Variants in PPP2R5E observed in about 807,000 individuals in gnomAD.
The protein encoded by PPP2R5E is serine/threonine-protein phosphatase 2A 56 kDa regulatory subunit epsilon isoform.
Under a neutral mutation model 65.3 loss-of-function variants are expected in PPP2R5E, and 4 were observed. The ratio of observed to expected loss-of-function variants is 0.06; its 90% CI spans 0.03 to 0.14. The LOEUF is 0.14. Ranked by LOEUF, PPP2R5E falls within the 10% of genes least tolerant of loss-of-function variation. PPP2R5E has a pLI of 1.00. For missense variants in PPP2R5E, 274 were observed against 556.1 expected (o/e 0.49, Z 5.10); for synonymous variants, 183 against 187.4 (o/e 0.98, Z 0.19).
At chr14:63,424,024 T>C (rs569494314) in intron 3 of PPP2R5E, among the ~76,000 whole-genome samples, 2 of 151,760 alleles carry the variant, frequency 1.3e-5, no homozygotes, top group Non-Finnish European at 2.9e-5. Flanking sequence ...CCAACAGCTA[T>C]GTATAGAATA....
chr14:63,462,522 C>A (rs1287487366), intron 2 of PPP2R5E, among the ~76,000 whole-genome samples: 8 of 152,216 alleles, frequency 5.3e-5, no homozygotes, highest in Admixed American at 4.6e-4. Context: ...CATTATACTG[C>A]AACTTTTTTT....
At chr14:63,483,521 T>A (rs1890815881) in intron 2 of PPP2R5E, among the ~76,000 whole-genome samples, 1 of 152,094 alleles carries the variant, frequency 6.6e-6, no homozygotes, top group Admixed American at 6.5e-5. Context: ...GAGGTGCACG[T>A]ACACAGCGCA....
intron 3 of PPP2R5E, among the ~76,000 whole-genome samples, chr14:63,440,416 CAAA>C (rs74901952): frequency 1.5e-5 from 2 of 133,020 alleles, no homozygotes; most frequent in Non-Finnish European, 1.7e-5. Context: ...TGTTCTTAAG[CAAA>C]AAAAAAAAAA....
chr14:63,458,608 A>ATTT (rs972685468), intron 2 of PPP2R5E, among the ~76,000 whole-genome samples: 33 of 152,316 alleles, frequency 2.2e-4, no homozygotes, highest in Admixed American at 1.2e-3. Context: ...AATAAGGTAA[A>ATTT]TTGCTTTTAA....
chr14:63,476,003 C>T (rs1890394409), intron 2 of PPP2R5E, among the ~76,000 whole-genome samples: 2 of 152,104 alleles, frequency 1.3e-5, no homozygotes. Flanking sequence ...AACATGAATA[C>T]ATACATTCTT....
intron 2 of PPP2R5E, among the ~76,000 whole-genome samples, chr14:63,459,979 C>T (rs1889363095): frequency 3.3e-5 from 5 of 152,170 alleles, no homozygotes. Flanking sequence ...TCTTGCCAAT[C>T]TGTTAGAGAG....
chr14:63,421,028 G>T (rs1316215042), intron 4 of PPP2R5E, among the ~76,000 whole-genome samples: 4 of 79,462 alleles, frequency 5.0e-5, no homozygotes, highest in Non-Finnish European at 6.4e-5. Context: ...ACTCCAGCCT[G>T]GGCGACAGAG....
At chr14:63,528,918 T>G (rs906904019) in intron 2 of PPP2R5E, among the ~76,000 whole-genome samples, 1 of 152,084 alleles carries the variant, frequency 6.6e-6, no homozygotes, top group African/African-American at 2.4e-5. Flanking sequence ...AGATCATATT[T>G]TAATGGGGGA....
chr14:63,475,768 T>TA (rs1439229718), intron 2 of PPP2R5E, among the ~76,000 whole-genome samples: 2 of 125,228 alleles, frequency 1.6e-5, no homozygotes, highest in Admixed American at 7.0e-5. Flanking sequence ...GATAAAATAT[T>TA]AAAAAACATA....
At chr14:63,467,225 AAAAAACAAACAAACAAAC>A (rs1889869794) in intron 2 of PPP2R5E, among the ~76,000 whole-genome samples, 1 of 140,916 alleles carries the variant, frequency 7.1e-6, no homozygotes, top group African/African-American at 3.1e-5. Context: ...TCCGTCTCAA[AAAAAACAAACAAACAAAC>A]AAAAAAAACA....
At chr14:63,462,996 G>A (rs34201702) in intron 2 of PPP2R5E, among the ~76,000 whole-genome samples, 48,581 of 149,148 alleles carry the variant, frequency 0.33, 10,578 homozygotes, top group African/African-American at 0.62. Flanking sequence ...CAGCTACCCG[G>A]GAGGCTGAGG....
In PPP2R5E at chr14:63,514,725, G is replaced by A. The variant is rs544914736; in HGVS notation, c.157+24804C>T. ...GACAGCAAGAATACAATCGTAAATG[G>A]ACATGGAATATTGACCATTTCCCTG... On this transcript the variant is annotated intron_variant, in intron 2 of 13. Coordinates refer to ENST00000337537, the MANE Select transcript of PPP2R5E (RefSeq NM_006246.5). Among the ~76,000 whole-genome samples the A allele has an allele frequency of 2.0e-5, 3 of 152,266 alleles. No individual in the cohort carries two copies. The East Asian group carries it at 5.8e-4, about 29-fold the overall frequency.
At chr14:63,430,997 T>C (rs988460510) in intron 3 of PPP2R5E, among the ~76,000 whole-genome samples, 1 of 152,036 alleles carries the variant, frequency 6.6e-6, no homozygotes, top group Non-Finnish European at 1.5e-5. Context: ...TGGCCAGGCA[T>C]GGTGGCTCAC....
At chr14:63,389,791 C>G (rs1884901882) in intron 10 of PPP2R5E, 60 bp from the exon 11 acceptor site, 1 of 1,456,102 alleles carries the variant, frequency 6.9e-7, no homozygotes, top group African/African-American at 1.5e-5. Context: ...TCCATAAGAA[C>G]AAGGAGGATT....
intron 3 of PPP2R5E, among the ~76,000 whole-genome samples, chr14:63,446,729 T>C (rs1370093808): frequency 2.0e-5 from 3 of 149,050 alleles, no homozygotes; most frequent in Non-Finnish European, 4.4e-5. Context: ...CTCGGGAGGC[T>C]GAGGCAGAAG....
At chr14:63,477,877 T>G (rs1440218452) in intron 2 of PPP2R5E, among the ~76,000 whole-genome samples, 1 of 151,556 alleles carries the variant, frequency 6.6e-6, no homozygotes, top group East Asian at 1.9e-4. Context: ...TATATAAAAT[T>G]TTTAAATGTA....
At chr14:63,376,785 C>T (rs1326673969) in intron 13 of PPP2R5E, among the ~76,000 whole-genome samples, 1 of 152,170 alleles carries the variant, frequency 6.6e-6, no homozygotes, top group Non-Finnish European at 1.5e-5. Flanking sequence ...GAATATAAGA[C>T]TATATTGTAA....
At chr14:63,387,549 A>T (rs867636977) in intron 11 of PPP2R5E, among the ~76,000 whole-genome samples, 4 of 152,220 alleles carry the variant, frequency 2.6e-5, no homozygotes, top group Non-Finnish European at 4.4e-5. Context: ...TGGATGAACC[A>T]GCAAATTCAT....
chr14:63,486,156 C>T (rs1444338277), intron 2 of PPP2R5E, among the ~76,000 whole-genome samples: 1 of 151,890 alleles, frequency 6.6e-6, no homozygotes, highest in Non-Finnish European at 1.5e-5. Flanking sequence ...ATGGCGAAGT[C>T]CCCTAAAGGC....
Sources: allele counts gnomAD v4.1 joint callset (sites outside exome capture counted in the v4.1 genomes callset), GRCh38; gene constraint gnomAD v4.1.1; transcripts MANE v1.5; gene names NCBI Gene and HGNC (gene_info 2026-07-23, HGNC 2026-07-21).